Variants in UBE2L3 observed in about 807,000 individuals in gnomAD.
UBE2L3 encodes ubiquitin-conjugating enzyme E2 L3.
A neutral mutation model predicts 17.8 loss-of-function variants in UBE2L3; 1 was observed. That is an observed-to-expected ratio of 0.06 (90% confidence interval 0.02 to 0.27). The LOEUF is 0.27. Ranked by LOEUF, UBE2L3 falls within the 10% of genes least tolerant of loss-of-function variation. UBE2L3 has a pLI of 1.00. For synonymous variants in UBE2L3, 44 were observed against 68.5 expected (o/e 0.64, Z 1.76); for missense variants, 40 against 192.6 (o/e 0.21, Z 4.69).
chr22:21,618,538 A>T (rs1929898222), intron 3 of UBE2L3, among the ~76,000 whole-genome samples: 1 of 151,342 alleles, frequency 6.6e-6, no homozygotes, highest in Non-Finnish European at 1.5e-5. Flanking sequence ...TGATTGTGCC[A>T]CTAACTCAGC....
At chr22:21,603,710 G>T (rs185795122) in intron 2 of UBE2L3, among the ~76,000 whole-genome samples, 17 of 151,478 alleles carry the variant, frequency 1.1e-4, no homozygotes, top group African/African-American at 4.1e-4. Context: ...GGGTGTGGTG[G>T]TGGGTGCCTG....
rs963602271 is a variant in UBE2L3 at position 21,618,371 on chromosome 22, T to G, written c.311-3144T>G. 1.8e-4 allele frequency among the ~76,000 whole-genome samples: 27 copies of G among 152,084 alleles called. 1 individual carries two copies. The highest frequency in any genetic ancestry group is 5.5e-4 in the African/African-American group (23 of 41,502). On this transcript the variant is annotated intron_variant, in intron 3 of 3. Coordinates refer to ENST00000342192, the MANE Select transcript of UBE2L3 (RefSeq NM_003347.4). ...CGAGGTCAGGAGATCGAGACCATCC[T>G]GGCTAACACGGTGAAACCCCGTCTC...
chr22:21,591,258 G>A (rs536227574), intron 1 of UBE2L3, among the ~76,000 whole-genome samples: 2 of 152,276 alleles, frequency 1.3e-5, no homozygotes, highest in Non-Finnish European at 2.9e-5. Context: ...ATCCATCATC[G>A]CTCCCAGCAG....
rs780658850 is a variant in UBE2L3 at position 21,603,529 on chromosome 22, T to TAAAAAAA, written c.124-7310_124-7304dup. Among the ~76,000 whole-genome samples the TAAAAAAA allele has an allele frequency of 3.8e-5, 3 of 79,976 alleles. 1 individual carries two copies. The highest frequency in any genetic ancestry group is 7.0e-5 in the Non-Finnish European group (3 of 43,094). The allele number at this position is 79,976 out of a possible 152,430, so 52.5% of individuals were successfully genotyped here. ...TGGGTGACAGAGCGAGACTCTGTCT[T>TAAAAAAA]AAAAAAAAAAAAAAAAAAAAAAAAG... On this transcript the variant is annotated intron_variant, in intron 2 of 3. Coordinates refer to ENST00000342192, the MANE Select transcript of UBE2L3 (RefSeq NM_003347.4).
chr22:21,580,143 T>C (rs985914776), intron 1 of UBE2L3, among the ~76,000 whole-genome samples: 1 of 152,198 alleles, frequency 6.6e-6, no homozygotes, highest in Non-Finnish European at 1.5e-5. Context: ...ACCTGCTCTG[T>C]CCGTTTCTAA....
intron 1 of UBE2L3, among the ~76,000 whole-genome samples, chr22:21,561,777 G>A (rs937548859): frequency 6.6e-6 from 1 of 152,260 alleles, no homozygotes; most frequent in Non-Finnish European, 1.5e-5. Context: ...CGAGGGATGT[G>A]GGAGATGAGG....
At chr22:21,577,827 C>T (rs1927398028) in intron 1 of UBE2L3, among the ~76,000 whole-genome samples, 1 of 152,146 alleles carries the variant, frequency 6.6e-6, no homozygotes, top group Non-Finnish European at 1.5e-5. Context: ...GTAGGCAGAG[C>T]GGGGAACATT....
In UBE2L3 at chr22:21,621,455, C is replaced by A; in HGVS notation, c.311-60C>A. The A allele has an allele frequency of 4.6e-6, 7 of 1,525,036 alleles. No individual in the cohort carries two copies. In the South Asian group the frequency reaches 9.0e-5, roughly 20 times the overall value. 94.5% of individuals were successfully genotyped at this position (1,525,036 alleles called of 1,614,324 possible). A position where few individuals can be genotyped will look rare whatever the true frequency, so the allele number is the denominator to read the frequency against. On this transcript the variant is annotated intron_variant, in intron 3 of 3. Transcript: ENST00000342192. ...AGTTTTGTTCCCGGATTAGCTGCCTCTTGCCTGTGCCATTTCTGAGACTGT... is the reference window on the plus strand; with the variant it reads ...AGTTTTGTTCCCGGATTAGCTGCCTATTGCCTGTGCCATTTCTGAGACTGT...
At chr22:21,558,408 G>A (rs1360576321) in intron 1 of UBE2L3, among the ~76,000 whole-genome samples, 4 of 152,238 alleles carry the variant, frequency 2.6e-5, no homozygotes, top group African/African-American at 7.2e-5. Context: ...CGAGGCAGGC[G>A]GATCACGAGG....
chr22:21,586,660 C>T (rs1432357434), intron 1 of UBE2L3, among the ~76,000 whole-genome samples: 4 of 151,712 alleles, frequency 2.6e-5, no homozygotes, highest in African/African-American at 7.3e-5. Context: ...CTCCACCTCC[C>T]GGATTCCAGT....
chr22:21,593,018 G>C (rs1928341190), intron 2 of UBE2L3, 62 bp downstream of exon 2: 4 of 1,493,998 alleles, frequency 2.7e-6, no homozygotes, highest in Admixed American at 3.4e-5. Context: ...GTGTGCTGTT[G>C]GGCTTGTTTT....
upstream of UBE2L3, among the ~76,000 whole-genome samples, chr22:21,562,880 A>G (rs1827667228): frequency 6.6e-6 from 1 of 151,906 alleles, no homozygotes; most frequent in African/African-American, 2.4e-5. Flanking sequence ...GACTGGAGGA[A>G]GGAATAGCAT....
chr22:21,603,529 T>TAAAAA (rs780658850), intron 2 of UBE2L3, among the ~76,000 whole-genome samples: 26 of 79,934 alleles, frequency 3.3e-4, no homozygotes, highest in South Asian at 4.5e-4. Flanking sequence ...GACTCTGTCT[T>TAAAAA]AAAAAAAAAA....
intron 1 of UBE2L3, among the ~76,000 whole-genome samples, chr22:21,588,016 A>G (rs1005162058): frequency 1.3e-5 from 2 of 152,188 alleles, no homozygotes; most frequent in African/African-American, 4.8e-5. Context: ...GTCCCCATCA[A>G]GAGAAGGAAT....
chr22:21,620,393 T>C (rs1929986206), intron 3 of UBE2L3, among the ~76,000 whole-genome samples: 1 of 152,100 alleles, frequency 6.6e-6, no homozygotes, highest in Non-Finnish European at 1.5e-5. Context: ...ATTGAGCCAC[T>C]GCACTCCAGT....
intron 2 of UBE2L3, among the ~76,000 whole-genome samples, chr22:21,608,772 G>A (rs1183544344): frequency 7.5e-6 from 1 of 132,610 alleles, no homozygotes; most frequent in Non-Finnish European, 1.6e-5. Flanking sequence ...TGTAGAGATG[G>A]GGTCTTGTTA....
intron 2 of UBE2L3, among the ~76,000 whole-genome samples, chr22:21,600,268 G>A (rs861858): frequency 0.16 from 23,734 of 152,094 alleles, 2,503 homozygotes; most frequent in Non-Finnish European, 0.24. Context: ...AGCTGAGATC[G>A]TGCCATTGTG....
intron 2 of UBE2L3, among the ~76,000 whole-genome samples, chr22:21,594,378 G>GA (rs748660017): frequency 3.3e-5 from 5 of 151,752 alleles, no homozygotes; most frequent in Non-Finnish European, 7.4e-5. Context: ...CTTTCTTCCT[G>GA]ATGCTGGTTA....
chr22:21,609,219 CAT>C (rs1929345540), intron 2 of UBE2L3, among the ~76,000 whole-genome samples: 1 of 151,694 alleles, frequency 6.6e-6, no homozygotes, highest in Admixed American at 6.6e-5. Flanking sequence ...CAAAACTAAA[CAT>C]ATGTCTTACC....
Sources: allele counts gnomAD v4.1 joint callset (sites outside exome capture counted in the v4.1 genomes callset), GRCh38; gene constraint gnomAD v4.1.1; transcripts MANE v1.5; gene names NCBI Gene and HGNC (gene_info 2026-07-23, HGNC 2026-07-21).